Variants in RGN observed in about 807,000 individuals in gnomAD.
The protein encoded by RGN is epididymis secretory protein Li 41.
RGN carries 19 observed loss-of-function variants against 20.6 expected under a neutral mutation model. That is an observed-to-expected ratio of 0.92 (90% CI 0.64 to 1.35). The LOEUF (loss-of-function observed/expected upper bound fraction) is 1.35. Ranked by LOEUF, RGN falls within the 40% of genes most tolerant of loss-of-function variation. The pLI is 0.00. For missense variants in RGN, 302 were observed against 232.7 expected (o/e 1.30, Z -1.94); for synonymous variants, 85 against 87.2 (o/e 0.97, Z 0.14).
At position 47,092,981 on chromosome X, in the gene RGN, G is replaced by A. The variant is rs189888659; in HGVS notation, c.*34G>A. The A allele has an allele frequency of 2.1e-5, 23 of 1,100,054 alleles. No individual in the cohort carries two copies. In the East Asian group the frequency reaches 7.0e-4, roughly 33 times the overall value. 90.7% of individuals were successfully genotyped at this position (1,100,054 alleles called of 1,213,427 possible). A position where few individuals can be genotyped will look rare whatever the true frequency, so the allele number is the denominator to read the frequency against. ...CTTCTTTCCTGCCAGAGGGAGCTCT[G>A]AAGACAACTAGAGAATTCTGGGCCT... On this transcript the variant is annotated 3_prime_UTR_variant, in exon 8 of 8. Coordinates refer to ENST00000397180, the MANE Select transcript of RGN (RefSeq NM_152869.4).
At chrX:47,085,171 G>A (rs1214342925) in intron 4 of RGN, among the ~76,000 whole-genome samples, 1 of 111,226 alleles carries the variant, frequency 9.0e-6, no homozygotes, top group Non-Finnish European at 1.9e-5. Context: ...TAAATACAGG[G>A]GTTTTGTTGT....
chrX:47,086,138 T>C (rs1602446603), intron 4 of RGN, among the ~76,000 whole-genome samples: 2 of 111,531 alleles, frequency 1.8e-5, no homozygotes, highest in African/African-American at 3.3e-5. Flanking sequence ...TTTTGAAGAA[T>C]ACAGCCAGGC....
chrX:47,082,371 T>A (rs1277653450), intron 3 of RGN, among the ~76,000 whole-genome samples: 4 of 97,513 alleles, frequency 4.1e-5, no homozygotes, highest in Admixed American at 1.2e-4. Flanking sequence ...AGTGCAATAA[T>A]GCAAACATGG....
chrX:47,084,052 C>T (rs782758107), intron 3 of RGN, among the ~76,000 whole-genome samples: 10 of 111,206 alleles, frequency 9.0e-5, no homozygotes, highest in East Asian at 2.8e-4. Context: ...GGGCATCACT[C>T]GCTCTGTGAT....
chrX:47,085,068 A>G (rs1298067465), intron 4 of RGN: 1 of 100,638 alleles, frequency 9.9e-6, no homozygotes, highest in Non-Finnish European at 1.9e-5. Flanking sequence ...GTTGTAGGAC[A>G]AAAAAAAAAT....
intron 5 of RGN, among the ~76,000 whole-genome samples, chrX:47,090,804 A>G (rs1930909089): frequency 9.5e-6 from 1 of 105,467 alleles, no homozygotes; most frequent in Admixed American, 1.1e-4. Context: ...CAGGGGTTGC[A>G]GTGAGCCGAG....
intron 6 of RGN, 116 bp downstream of exon 6, chrX:47,091,925 G>T (rs1289484975): frequency 1.0e-6 from 1 of 997,736 alleles, no homozygotes; most frequent in Admixed American, 3.2e-5. Flanking sequence ...AAAATAAATT[G>T]TCAGGGAAAG....
chrX:47,083,028 C>G (rs1459020355), intron 3 of RGN, among the ~76,000 whole-genome samples: 2 of 111,028 alleles, frequency 1.8e-5, no homozygotes, highest in Non-Finnish European at 3.8e-5. Flanking sequence ...AAAATCTATT[C>G]TGATAAATTT....
rs1481514165 is a variant in RGN at position 47,093,169 on chromosome X, C to T, written c.*222C>T. On this transcript the variant is annotated 3_prime_UTR_variant, in exon 8 of 8. Transcript: ENST00000397180. ...TTCTGTAAAAGGTACTATAGAAGGG[C>T]GAAGAATCGTTCAACTGTCAATCAG... The T allele has an allele frequency of 1.3e-5, 5 of 373,155 alleles. No homozygotes were observed. Among genetic ancestry groups the T allele is most frequent in the East Asian group, 8.7e-5 (2 of 23,069 alleles). 30.8% of individuals were successfully genotyped at this position (373,155 alleles called of 1,213,427 possible).
chrX:47,089,599 A>G (rs1338797092), intron 4 of RGN, among the ~76,000 whole-genome samples, 177 bp from the exon 5 acceptor site: 6 of 12,271 alleles, frequency 4.9e-4, no homozygotes, highest in Non-Finnish European at 8.5e-4. Context: ...ATATATATAT[A>G]CACACACACA....
intron 4 of RGN, among the ~76,000 whole-genome samples, chrX:47,087,925 A>C (rs1930674181): frequency 2.0e-5 from 2 of 101,096 alleles, no homozygotes; most frequent in Admixed American, 1.2e-4. Context: ...AAATATAATT[A>C]TATATTATAT....
intron 5 of RGN, among the ~76,000 whole-genome samples, chrX:47,090,915 GGAAAGAAAGAAA>G (rs1167092040): frequency 0.049 from 2,556 of 51,955 alleles, 236 homozygotes; most frequent in South Asian, 0.069. Context: ...GAAAGAAGAA[GGAAAGAAAGAAA>G]GAAAGAAAGA....
At position 47,081,251 on chromosome X, in the gene RGN, CA is replaced by C; in HGVS notation, c.113del (p.Lys38ArgfsTer15). Reference protein sequence around the residue: ...SNSLLFVDIPAKKVCRWDSFT... With the variant: ...SNSLLFVDIPXKKVCRWDSFT... ...TCTCTGCTCTTTGTAGACATTCCTGCAAAAAAGGTTTGCCGGTGGGATTCAT... is the reference window on the plus strand; with the variant it reads ...TCTCTGCTCTTTGTAGACATTCCTGCAAAAAGGTTTGCCGGTGGGATTCAT... On this transcript the variant is annotated frameshift_variant, in exon 3 of 8. Transcript: ENST00000397180. LOFTEE classifies it high-confidence loss of function. 3 of 1,209,953 alleles carry C rather than the reference CA, an allele frequency of 2.5e-6. No individual in the cohort carries two copies. The highest frequency in any genetic ancestry group is 3.4e-6 in the Non-Finnish European group (3 of 894,336).
At chrX:47,079,366 TTG>T (rs1491462692) in intron 1 of RGN, among the ~76,000 whole-genome samples, 728 of 22,691 alleles carry the variant, frequency 0.032, 9 homozygotes, top group African/African-American at 0.2. Flanking sequence ...GTTTTTTTTT[TTG>T]TTTTGTTTTG....
chrX:47,088,078 T>C (rs1223911747), intron 4 of RGN, among the ~76,000 whole-genome samples: 2 of 104,582 alleles, frequency 1.9e-5, no homozygotes, highest in Non-Finnish European at 3.9e-5. Context: ...GTGCTATGCA[T>C]CTGCCAGAAG....
At chrX:47,092,435 T>G (rs1012792235) in intron 7 of RGN, among the ~76,000 whole-genome samples, 5 of 112,287 alleles carry the variant, frequency 4.5e-5, no homozygotes, top group African/African-American at 1.6e-4. Flanking sequence ...TACATTAATT[T>G]TTTTACTTCC....
At position 47,081,136 on chromosome X, in the gene RGN, C is replaced by G; in HGVS notation, c.-9C>G. On this transcript the variant is annotated 5_prime_UTR_variant, in exon 3 of 8. Coordinates refer to ENST00000397180, the MANE Select transcript of RGN (RefSeq NM_152869.4). ...CCTCTGTTACCTTCAATAGATCTCC[C>G]CTGCGACCATGTCTTCCATTAAGAT... The G allele has an allele frequency of 1.7e-6, 2 of 1,202,603 alleles. No homozygotes were observed. The highest frequency in any genetic ancestry group is 3.0e-5 in the East Asian group (1 of 33,808).
intron 3 of RGN, among the ~76,000 whole-genome samples, chrX:47,082,303 C>CTAT (rs1556381825): frequency 4.9e-4 from 29 of 59,257 alleles, no homozygotes; most frequent in Non-Finnish European, 1.2e-4. Context: ...GGGACCTCAA[C>CTAT]TTTTTTTTTT....
intron 4 of RGN, 103 bp from the exon 5 acceptor site, chrX:47,089,673 C>T: frequency 2.1e-6 from 1 of 480,377 alleles, no homozygotes; most frequent in Non-Finnish European, 3.3e-6. Context: ...ATAGTGATTT[C>T]CTTTGATTTA....
Sources: gnomAD v4.1 joint callset for allele counts (sites outside exome capture counted in the v4.1 genomes callset) on GRCh38, gnomAD v4.1.1 for gene constraint, MANE v1.5 for transcripts, NCBI Gene and HGNC (gene_info 2026-07-23, HGNC 2026-07-21) for gene names.